DNAH3: variants seen among roughly 807,000 people sequenced by gnomAD.
The protein encoded by DNAH3 is dynein axonemal heavy chain 3.
In DNAH3, 332 loss-of-function variants were observed where a neutral mutation model predicts 432.5. The observed-to-expected ratio is 0.77, with a 90% CI of 0.70 to 0.84. DNAH3 has a LOEUF of 0.84. Ranked by LOEUF, DNAH3 falls within the 40% of genes least tolerant of loss-of-function variation. The pLI is 0.00. For synonymous variants in DNAH3, 1,956 were observed against 1,900.2 expected (o/e 1.03, Z -0.76); for missense variants, 4,861 against 5,114.0 (o/e 0.95, Z 1.51).
chr16:21,028,449 T>C (rs560903422), intron 37 of DNAH3, among the ~76,000 whole-genome samples: 16 of 150,086 alleles, frequency 1.1e-4, no homozygotes, highest in Non-Finnish European at 2.2e-4. Context: ...TCACTTGAGG[T>C]CAGGAGTTGG....
intron 18 of DNAH3, among the ~76,000 whole-genome samples, chr16:21,090,827 T>C (rs1295977750): frequency 6.6e-6 from 1 of 152,142 alleles, no homozygotes; most frequent in Non-Finnish European, 1.5e-5. Flanking sequence ...TAGTAATCTA[T>C]TGTAGTGCAT....
intron 51 of DNAH3, among the ~76,000 whole-genome samples, chr16:20,972,727 C>G (rs1446304638): frequency 6.9e-6 from 1 of 145,374 alleles, no homozygotes; most frequent in African/African-American, 2.5e-5. Flanking sequence ...CCTTCTGAGA[C>G]AATGCCCCGT....
intron 31 of DNAH3, among the ~76,000 whole-genome samples, chr16:21,046,913 T>A (rs928849563): frequency 1.1e-4 from 17 of 151,944 alleles, no homozygotes; most frequent in African/African-American, 3.9e-4. Flanking sequence ...TGTAAAGTAT[T>A]TTATTTCTCC....
At chr16:21,083,066 G>C (rs1010711378) in intron 19 of DNAH3, among the ~76,000 whole-genome samples, 8 of 148,774 alleles carry the variant, frequency 5.4e-5, no homozygotes, top group Non-Finnish European at 8.9e-5. Flanking sequence ...ACCCAGGCTG[G>C]AGTGCCATGG....
chr16:20,991,007 C>T (rs1202294644), intron 44 of DNAH3, among the ~76,000 whole-genome samples: 4 of 151,928 alleles, frequency 2.6e-5, no homozygotes, highest in East Asian at 1.9e-4. Context: ...AGCGACAGAG[C>T]GAGACTCTGT....
intron 1 of DNAH3, among the ~76,000 whole-genome samples, chr16:21,157,620 G>A (rs1030928725): frequency 5.3e-5 from 8 of 152,076 alleles, no homozygotes; most frequent in African/African-American, 1.7e-4. Flanking sequence ...GTGAGCCACC[G>A]CACCCTGCCA....
intron 50 of DNAH3, among the ~76,000 whole-genome samples, chr16:20,977,045 C>G (rs1186414080): frequency 6.6e-6 from 1 of 152,148 alleles, no homozygotes; most frequent in Admixed American, 6.6e-5. Context: ...AGGGAGCGCA[C>G]CACCTCTCAT....
chr16:20,976,148 C>T (rs1400667387), intron 50 of DNAH3, among the ~76,000 whole-genome samples: 1 of 151,964 alleles, frequency 6.6e-6, no homozygotes, highest in Non-Finnish European at 1.5e-5. Context: ...CAAGACCAGC[C>T]TGGGAAACAT....
chr16:20,943,476 A>G (rs2083906589), intron 58 of DNAH3, among the ~76,000 whole-genome samples: 2 of 152,030 alleles, frequency 1.3e-5, no homozygotes, highest in African/African-American at 2.4e-5. Flanking sequence ...CTCCTGCTTC[A>G]GCCTCCCAAA....
chr16:20,993,715 G>T (rs1273598622), intron 44 of DNAH3, among the ~76,000 whole-genome samples: 1 of 152,020 alleles, frequency 6.6e-6, no homozygotes, highest in Admixed American at 6.6e-5. Context: ...ACAGGGTCTT[G>T]CTCTGTCGCC....
At chr16:21,006,173 T>A (rs2152696348) in intron 41 of DNAH3, among the ~76,000 whole-genome samples, 1 of 152,324 alleles carries the variant, frequency 6.6e-6, no homozygotes, top group African/African-American at 2.4e-5. Context: ...AAACCTTATT[T>A]CTAAGCAATA....
chr16:21,127,888 T>A, intron 7 of DNAH3, 76 bp from the exon 9 acceptor site: 1 of 1,543,380 alleles, frequency 6.5e-7, no homozygotes, highest in Non-Finnish European at 8.9e-7. Flanking sequence ...GTTCCAAGGG[T>A]GTGTGTTCAC....
intron 29 of DNAH3, among the ~76,000 whole-genome samples, chr16:21,050,790 T>C (rs2089922777): frequency 6.6e-6 from 1 of 152,228 alleles, no homozygotes; most frequent in African/African-American, 2.4e-5. Flanking sequence ...TTCCATTTCA[T>C]AACCTCAGTA....
At chr16:21,137,960 G>T (rs2092666180) in intron 5 of DNAH3, among the ~76,000 whole-genome samples, 1 of 151,946 alleles carries the variant, frequency 6.6e-6, no homozygotes, top group South Asian at 2.1e-4. Flanking sequence ...ATCAGAAGAG[G>T]TTGCTGGCCA....
chr16:21,079,582 C>T (rs1024820324), intron 20 of DNAH3, among the ~76,000 whole-genome samples: 6 of 152,010 alleles, frequency 3.9e-5, no homozygotes, highest in Middle Eastern at 3.4e-3. Flanking sequence ...GAGATTGCAC[C>T]GCTGAGATTG....
intron 47 of DNAH3, 46 bp downstream of exon 47, chr16:20,987,259 A>G (rs748499728): frequency 6.2e-7 from 1 of 1,607,406 alleles, no homozygotes; most frequent in Non-Finnish European, 8.5e-7. Context: ...GTGGTTAAAC[A>G]CTTGGAACCA....
chr16:21,024,609 T>C lies in DNAH3; in HGVS notation c.5633A>G (p.Glu1878Gly), dbSNP rs777517856. Residue 1878 changes from glutamate to glycine, a missense_variant, in exon 39 of 62, where the codon GAG (glutamate) becomes GGG (glycine). Coordinates refer to ENST00000261383, the Ensembl canonical transcript of DNAH3. ...TGAGGGGCTCACCAATTCTTTGTGCTCCTTGGTGAGACTGGAGGGCAGGGT... is the reference window on the plus strand; with the variant it reads ...TGAGGGGCTCACCAATTCTTTGTGCCCCTTGGTGAGACTGGAGGGCAGGGT... 4 of 1,609,840 alleles carry C rather than the reference T, an allele frequency of 2.5e-6. No individual in the cohort carries two copies. The Admixed American group carries it at 6.8e-5, about 27-fold the overall frequency.
intron 24 of DNAH3, among the ~76,000 whole-genome samples, chr16:21,065,413 G>A (rs858210): frequency 0.43 from 65,765 of 151,874 alleles, 14,570 homozygotes; most frequent in East Asian, 0.68. Flanking sequence ...TGCCCACTTC[G>A]GCCTCCCAAA....
intron 3 of DNAH3, among the ~76,000 whole-genome samples, chr16:21,144,150 C>T (rs533500874): frequency 6.6e-6 from 1 of 152,228 alleles, no homozygotes; most frequent in East Asian, 1.9e-4. Context: ...AAGCAGCTTC[C>T]AAGACAGCCC....
Sources: allele counts gnomAD v4.1 joint callset (sites outside exome capture counted in the v4.1 genomes callset), GRCh38; gene constraint gnomAD v4.1.1; transcripts MANE v1.5; gene names NCBI Gene and HGNC (gene_info 2026-07-23, HGNC 2026-07-21).